Variants in ARMC2 observed in about 807,000 individuals in gnomAD.
ARMC2 encodes armadillo repeat-containing protein 2.
In ARMC2, 67 loss-of-function variants were observed where a neutral mutation model predicts 90.3. That is an observed-to-expected ratio of 0.74 (90% CI 0.61 to 0.91). The LOEUF (loss-of-function observed/expected upper bound fraction) is 0.91. ARMC2 is among the 40% of genes least tolerant of loss of function. The pLI is 0.00. For synonymous variants in ARMC2, 393 were observed against 393.0 expected (o/e 1.00, Z 0.00); for missense variants, 920 against 1,030.9 (o/e 0.89, Z 1.47).
intron 13 of ARMC2, among the ~76,000 whole-genome samples, chr6:108,955,598 G>A (rs1419901811): frequency 1.3e-5 from 2 of 152,060 alleles, no homozygotes; most frequent in Admixed American, 1.3e-4. Context: ...CTTGAGAAAC[G>A]ACTCTTCACT....
the ARMC2 span, among the ~76,000 whole-genome samples, chr6:108,984,110 C>T: frequency 6.6e-6 from 1 of 152,132 alleles, no homozygotes; most frequent in Non-Finnish European, 1.5e-5. Flanking sequence ...GAATCTAATA[C>T]CTGATGATCT....
In ARMC2 at chr6:108,973,355, A is replaced by C; in HGVS notation, c.2447-2A>C. 6.2e-7 allele frequency: 1 copy of C among 1,604,506 alleles called. No individual in the cohort carries two copies. The highest frequency in any genetic ancestry group is 8.5e-7 in the Non-Finnish European group (1 of 1,175,508). On this transcript the variant is annotated splice_acceptor_variant, in intron 17 of 17. Coordinates refer to ENST00000392644, the MANE Select transcript of ARMC2 (RefSeq NM_032131.6). LOFTEE classifies it high-confidence loss of function. ...GCTGTAATTTAAATTTTTCTAATAC[A>C]GATGAAGAACTAGCACTGGATGGCA...
chr6:108,911,037 T>C, intron 9 of ARMC2, 36 bp downstream of exon 9: 1 of 1,255,580 alleles, frequency 8.0e-7, no homozygotes, highest in Admixed American at 2.4e-5. Context: ...GAGCAAATGC[T>C]GTACTTGAGT....
At chr6:109,029,035 C>G in the ARMC2 span, among the ~76,000 whole-genome samples, 4 of 152,198 alleles carry the variant, frequency 2.6e-5, no homozygotes, top group East Asian at 3.9e-4. Flanking sequence ...TAGCTTCATG[C>G]CTACTCTGAA....
rs573528903 is a variant in ARMC2 at position 108,922,136 on chromosome 6, A to C, written c.1351-5952A>C. Among the ~76,000 whole-genome samples, 21 of 152,348 alleles carry C rather than the reference A, an allele frequency of 1.4e-4. 1 individual carries two copies. Among genetic ancestry groups the C allele is most frequent in the African/African-American group, 4.8e-4 (20 of 41,586 alleles). ...AAAGAGAGGGCCGTCCACTCTGGAC[A>C]TGATCAGTGTGTGTGGAGGTTGCCC... On this transcript the variant is annotated intron_variant, in intron 10 of 17. Coordinates refer to ENST00000392644, the MANE Select transcript of ARMC2 (RefSeq NM_032131.6).
chr6:108,971,955 TAAC>T (rs892358784), intron 17 of ARMC2, among the ~76,000 whole-genome samples: 55 of 151,552 alleles, frequency 3.6e-4, no homozygotes, highest in African/African-American at 1.3e-3. Context: ...GCAATTTAAG[TAAC>T]AACATCTGTG....
intron 4 of ARMC2, among the ~76,000 whole-genome samples, chr6:108,870,931 TGAA>T (rs1776342114): frequency 1.3e-5 from 2 of 152,184 alleles, no homozygotes; most frequent in South Asian, 4.1e-4. Flanking sequence ...ATGAATGCTC[TGAA>T]GAAGATAAAC....
intron 10 of ARMC2, among the ~76,000 whole-genome samples, chr6:108,919,403 G>A (rs1187116582): frequency 6.6e-6 from 1 of 152,124 alleles, no homozygotes; most frequent in Non-Finnish European, 1.5e-5. Flanking sequence ...TCAGAACCAA[G>A]GTAGCAGTGT....
intron 10 of ARMC2, among the ~76,000 whole-genome samples, chr6:108,920,772 T>C (rs9486977): frequency 0.066 from 10,003 of 152,184 alleles, 727 homozygotes; most frequent in African/African-American, 0.18. Flanking sequence ...TCACAGACCA[T>C]GTCTGTCCCT....
At chr6:108,849,263 G>A (rs1773760195) in intron 1 of ARMC2, among the ~76,000 whole-genome samples, 1 of 152,176 alleles carries the variant, frequency 6.6e-6, no homozygotes, top group Non-Finnish European at 1.5e-5. Context: ...TGGTTGAAAA[G>A]CAAGCACCAT....
intron 12 of ARMC2, 128 bp downstream of exon 12, chr6:108,937,127 G>C: frequency 1.3e-6 from 1 of 768,614 alleles, no homozygotes; most frequent in South Asian, 2.0e-5. Flanking sequence ...AATGTATAAT[G>C]GGCTGTCCTG....
At chr6:108,916,583 G>T (rs1304810725) in intron 10 of ARMC2, among the ~76,000 whole-genome samples, 1 of 152,158 alleles carries the variant, frequency 6.6e-6, no homozygotes, top group Non-Finnish European at 1.5e-5. Context: ...CTAGAATTTA[G>T]GGTGAGCTCC....
At chr6:108,851,007 C>T (rs1473278028) in intron 1 of ARMC2, among the ~76,000 whole-genome samples, 1 of 152,208 alleles carries the variant, frequency 6.6e-6, no homozygotes, top group Non-Finnish European at 1.5e-5. Flanking sequence ...TCTGATTTCA[C>T]TACTTCTGAT....
chr6:108,932,808 G>T (rs1775683270), intron 11 of ARMC2, among the ~76,000 whole-genome samples: 1 of 152,072 alleles, frequency 6.6e-6, no homozygotes, highest in Non-Finnish European at 1.5e-5. Flanking sequence ...GATTACAGGC[G>T]TGAGCCACTG....
chr6:108,909,738 G>T (rs1231580580), intron 8 of ARMC2, among the ~76,000 whole-genome samples: 1 of 152,034 alleles, frequency 6.6e-6, no homozygotes, highest in Non-Finnish European at 1.5e-5. Context: ...GTTTCACCAC[G>T]TTGGTCAGGC....
At chr6:108,876,660 T>C (rs751799031) in intron 5 of ARMC2, among the ~76,000 whole-genome samples, 1 of 152,228 alleles carries the variant, frequency 6.6e-6, no homozygotes, top group African/African-American at 2.4e-5. Flanking sequence ...ATTCCGTTTG[T>C]ATGTTATTTG....
Position 108,901,098 on chromosome 6 carries a change from A to ATTTTTTTTTTT in ARMC2, c.847+1333_847+1343dup, listed in dbSNP as rs1173637475. Among the ~76,000 whole-genome samples, 5 of 59,366 alleles carry ATTTTTTTTTTT rather than the reference A, an allele frequency of 8.4e-5. 1 individual carries two copies. The highest frequency in any genetic ancestry group is 2.8e-4 in the African/African-American group (4 of 14,244). The allele number at this position is 59,366 out of a possible 152,430, so 38.9% of individuals were successfully genotyped here. A position where few individuals can be genotyped will look rare whatever the true frequency, so the allele number is the denominator to read the frequency against. ...GAAGCCTTCCTACAGGAAAGAAGGA[A>ATTTTTTTTTTT]TTTTTTTTTTTTTTTTTTTTTTTTT... is the stretch of plus-strand genomic sequence containing the variant. On this transcript the variant is annotated intron_variant, in intron 7 of 17. Transcript: ENST00000392644.
intron 10 of ARMC2, chr6:108,924,069 A>G (rs1004075688): frequency 1.3e-5 from 2 of 152,328 alleles, no homozygotes; most frequent in Non-Finnish European, 2.9e-5. Flanking sequence ...ACCATGGGAG[A>G]GAAGATGCCT....
chr6:108,856,530 G>A (rs1044749154), intron 2 of ARMC2: 1 of 223,046 alleles, frequency 4.5e-6, no homozygotes, highest in Admixed American at 4.0e-5. Flanking sequence ...TTGGTGTTCA[G>A]CTCAAAGGGC....
Sources: gnomAD v4.1 joint callset for allele counts (sites outside exome capture counted in the v4.1 genomes callset) on GRCh38, gnomAD v4.1.1 for gene constraint, MANE v1.5 for transcripts, NCBI Gene and HGNC (gene_info 2026-07-23, HGNC 2026-07-21) for gene names.